The following NDFIP2 variants were observed in gnomAD, a reference collection of about 807,000 sequenced individuals.
NDFIP2 encodes the protein NEDD4 family-interacting protein 2.
Under a neutral mutation model 36.0 loss-of-function variants are expected in NDFIP2, and 19 were observed. The observed-to-expected ratio is 0.53, with a 90% CI of 0.37 to 0.77. The LOEUF (loss-of-function observed/expected upper bound fraction) is 0.77. NDFIP2 is among the 30% of genes least tolerant of loss of function. NDFIP2 has a pLI of 0.00. For synonymous variants in NDFIP2, 181 were observed against 167.7 expected, an observed-to-expected ratio of 1.08 and a Z score of -0.61; for missense variants, 446 against 435.8, an observed-to-expected ratio of 1.02 and a Z score of -0.21.
At position 79,484,310 on chromosome 13, in the gene NDFIP2, C is replaced by T. The variant is rs765631719; in HGVS notation, c.321+2786C>T. 8.5e-5 allele frequency among the ~76,000 whole-genome samples: 13 copies of T among 152,234 alleles called. No individual in the cohort carries two copies. The South Asian group carries it at 1.5e-3, about 17-fold the overall frequency. ...GATTACAGGTGTGAGCCACAGAGCC[C>T]GGCCAAAGTTCTCTATTTTAAAGGA... On this transcript the variant is annotated intron_variant, in intron 1 of 7. Coordinates refer to ENST00000218652, the MANE Select transcript of NDFIP2 (RefSeq NM_019080.3).
At chr13:79,500,491 A>G (rs1873615952) in intron 1 of NDFIP2, among the ~76,000 whole-genome samples, 1 of 152,028 alleles carries the variant, frequency 6.6e-6, no homozygotes, top group Non-Finnish European at 1.5e-5. Flanking sequence ...TTCTCAAACT[A>G]CAACCCTATT....
chr13:79,535,029 GC>G (rs1251413372), intron 3 of NDFIP2, among the ~76,000 whole-genome samples: 1 of 152,124 alleles, frequency 6.6e-6, no homozygotes, highest in Non-Finnish European at 1.5e-5. Flanking sequence ...TAACACAGTG[GC>G]ATAATATAGC....
At chr13:79,503,176 T>G (rs1040003366) in intron 1 of NDFIP2, among the ~76,000 whole-genome samples, 5 of 151,900 alleles carry the variant, frequency 3.3e-5, no homozygotes, top group African/African-American at 7.3e-5. Context: ...TGACTGAGAG[T>G]CTCATGGTTA....
At chr13:79,533,971 A>G (rs964510255) in intron 3 of NDFIP2, among the ~76,000 whole-genome samples, 7 of 152,104 alleles carry the variant, frequency 4.6e-5, no homozygotes, top group Non-Finnish European at 8.8e-5. Context: ...GCATTCTCCT[A>G]GTTAAATTCA....
chr13:79,495,590 C>T (rs1443145803), intron 1 of NDFIP2, among the ~76,000 whole-genome samples: 1 of 151,820 alleles, frequency 6.6e-6, no homozygotes, highest in Admixed American at 6.6e-5. Flanking sequence ...TTTCTGTTTA[C>T]TTTCAACCTA....
intron 2 of NDFIP2, among the ~76,000 whole-genome samples, chr13:79,525,024 C>T (rs545470384): frequency 2.9e-4 from 44 of 152,254 alleles, no homozygotes; most frequent in South Asian, 2.1e-3. Flanking sequence ...TCAACTCTGC[C>T]GGAAATGTGA....
At chr13:79,508,015 T>C (rs2140751905) in intron 1 of NDFIP2, among the ~76,000 whole-genome samples, 1 of 152,346 alleles carries the variant, frequency 6.6e-6, no homozygotes, top group South Asian at 2.1e-4. Flanking sequence ...TGTGAAAATG[T>C]ATTTGTTTTA....
rs1342947104 is a variant in NDFIP2 at position 79,551,026 on chromosome 13, T to C, written c.917T>C (p.Leu306Pro). The change falls in exon 7 of 8, where the codon CTT becomes CCT. Residue 306 changes from leucine (L) to proline (P), a missense_variant. Leu to Pro is a moderately conservative substitution (Grantham distance 98, BLOSUM62 -3). Coordinates refer to ENST00000218652, the MANE Select transcript of NDFIP2 (RefSeq NM_019080.3). ...WWIFLVLGLL[L>P]FFRGFVNYLK... ...ATTTCAACCTTCTCAGGCCTGCTCCTTTTCTTCAGAGGATTTGTTAATTAT... is the reference window on the plus strand; with the variant it reads ...ATTTCAACCTTCTCAGGCCTGCTCCCTTTCTTCAGAGGATTTGTTAATTAT... The C allele has an allele frequency of 6.3e-7, 1 of 1,595,398 alleles. No individual in the cohort carries two copies. The highest frequency in any genetic ancestry group is 1.1e-5 in the South Asian group (1 of 88,452).
chr13:79,520,865 C>G lies in NDFIP2; in HGVS notation c.377C>G (p.Ser126Ter). 3 of 1,614,050 alleles carry G rather than the reference C, an allele frequency of 1.9e-6. No individual in the cohort carries two copies. Among genetic ancestry groups the G allele is most frequent in the East Asian group, 2.2e-5 (1 of 44,878 alleles). ...TCGGCTATAGAGCAGCCACCTACTT[C>G]AAACCCAGCACCGCAGATTGTGCAG... is the stretch of plus-strand genomic sequence containing the variant. Reference protein sequence around the residue: ...ESSAIEQPPTSNPAPQIVQAA... With the variant: ...ESSAIEQPPT Residue 126 changes from serine to a stop codon, truncating the protein, a stop_gained, in exon 2 of 8, where the codon TCA (serine) becomes TGA (stop). Transcript: ENST00000218652. LOFTEE classifies it high-confidence loss of function.
chr13:79,537,194 G>A (rs972689818), intron 3 of NDFIP2, among the ~76,000 whole-genome samples: 1 of 151,946 alleles, frequency 6.6e-6, no homozygotes, highest in Non-Finnish European at 1.5e-5. Context: ...TGCAACCTCC[G>A]CCTCCCCAGT....
chr13:79,492,472 A>G (rs1873271705), intron 1 of NDFIP2, among the ~76,000 whole-genome samples: 1 of 151,974 alleles, frequency 6.6e-6, no homozygotes, highest in African/African-American at 2.4e-5. Flanking sequence ...CTGGTGGATC[A>G]CAGCACTGCA....
intron 1 of NDFIP2, among the ~76,000 whole-genome samples, chr13:79,506,534 C>A (rs1215780550): frequency 1.3e-5 from 2 of 151,994 alleles, no homozygotes; most frequent in Admixed American, 1.3e-4. Context: ...AGAAAGAAAT[C>A]TTGTTTAAGT....
chr13:79,510,333 A>G (rs1049698806), intron 1 of NDFIP2, among the ~76,000 whole-genome samples: 1 of 147,198 alleles, frequency 6.8e-6, no homozygotes, highest in Non-Finnish European at 1.5e-5. Context: ...ACCGTAGCCT[A>G]CTCTTTGATT....
chr13:79,485,296 G>A (rs1182098274), intron 1 of NDFIP2, among the ~76,000 whole-genome samples: 1 of 152,116 alleles, frequency 6.6e-6, no homozygotes, highest in Non-Finnish European at 1.5e-5. Flanking sequence ...TACACACTGT[G>A]GTTGCCTGAT....
intron 1 of NDFIP2, among the ~76,000 whole-genome samples, chr13:79,497,555 T>G (rs777776084): frequency 1.4e-4 from 21 of 151,886 alleles, no homozygotes; most frequent in Admixed American, 3.9e-4. Flanking sequence ...TTTTTTAAAT[T>G]CTTTTTGTAT....
At chr13:79,482,465 C>G (rs754218244) in intron 1 of NDFIP2, among the ~76,000 whole-genome samples, 1 of 152,038 alleles carries the variant, frequency 6.6e-6, no homozygotes, top group Non-Finnish European at 1.5e-5. Context: ...TGTGCTGTTG[C>G]AGCTAGGTAG....
intron 2 of NDFIP2, among the ~76,000 whole-genome samples, chr13:79,523,382 G>A (rs1874663388): frequency 1.3e-5 from 2 of 152,016 alleles, no homozygotes; most frequent in African/African-American, 4.8e-5. Context: ...CACCACACCT[G>A]GCGAATTTTG....
At chr13:79,525,983 T>G (rs1227794585) in intron 2 of NDFIP2, among the ~76,000 whole-genome samples, 1 of 152,216 alleles carries the variant, frequency 6.6e-6, no homozygotes, top group Non-Finnish European at 1.5e-5. Context: ...GGATTTAGAT[T>G]TGTGAATATT....
intron 1 of NDFIP2, among the ~76,000 whole-genome samples, chr13:79,495,807 G>T (rs1873413909): frequency 6.6e-6 from 1 of 151,708 alleles, no homozygotes; most frequent in African/African-American, 2.4e-5. Context: ...TTTGATTTAT[G>T]AAAAAAGTTT....
Sources: gnomAD v4.1 joint callset for allele counts (sites outside exome capture counted in the v4.1 genomes callset) on GRCh38, gnomAD v4.1.1 for gene constraint, MANE v1.5 for transcripts, NCBI Gene and HGNC (gene_info 2026-07-23, HGNC 2026-07-21) for gene names.